GALNTL6: variants seen among roughly 807,000 people sequenced by gnomAD.
GALNTL6 encodes polypeptide N-acetylgalactosaminyltransferase-like 6.
In GALNTL6, 46 loss-of-function variants were observed where a neutral mutation model predicts 73.7. That is an observed-to-expected ratio of 0.62 (90% confidence interval 0.49 to 0.80). The LOEUF (loss-of-function observed/expected upper bound fraction) is 0.80. GALNTL6 is among the 30% of genes least tolerant of loss of function. GALNTL6 has a pLI of 0.00. For missense variants in GALNTL6, 604 were observed against 755.0 expected (o/e 0.80, Z 2.34); for synonymous variants, 259 against 263.7 (o/e 0.98, Z 0.17).
intron 7 of GALNTL6, among the ~76,000 whole-genome samples, chr4:172,848,084 G>C (rs1365516029): frequency 6.6e-6 from 1 of 152,138 alleles, no homozygotes; most frequent in South Asian, 2.1e-4. Context: ...TTTTGAACTA[G>C]ATTTCTTTGG....
intron 8 of GALNTL6, among the ~76,000 whole-genome samples, chr4:172,908,895 AT>A (rs1228872590): frequency 1.3e-5 from 2 of 151,898 alleles, no homozygotes; most frequent in African/African-American, 2.4e-5. Context: ...AATGGTAATA[AT>A]TTTTTTAGCT....
At position 172,371,786 on chromosome 4, in the gene GALNTL6, G is replaced by T. The variant is rs545628559; in HGVS notation, c.553+23097G>T. On this transcript the variant is annotated intron_variant, in intron 5 of 12. Coordinates refer to ENST00000506823, the MANE Select transcript of GALNTL6 (RefSeq NM_001034845.3). ...TGGTCTTTCCCTGCCTCTGCCAGCT[G>T]CTTATGCTGCTGTTCTCCCCTCTCC... Among the ~76,000 whole-genome samples the T allele has an allele frequency of 3.9e-5, 6 of 152,068 alleles. No homozygotes were observed. The South Asian group carries it at 1.0e-3, about 26-fold the overall frequency.
intron 2 of GALNTL6, among the ~76,000 whole-genome samples, chr4:172,181,513 A>G (rs1239406234): frequency 6.6e-6 from 1 of 152,158 alleles, no homozygotes; most frequent in Non-Finnish European, 1.5e-5. Context: ...CAAAAGCTGG[A>G]AGCATTCCCT....
At chr4:172,227,927 A>T (rs1736923683) in intron 2 of GALNTL6, among the ~76,000 whole-genome samples, 1 of 152,164 alleles carries the variant, frequency 6.6e-6, no homozygotes, top group Non-Finnish European at 1.5e-5. Context: ...ATTTATTTTA[A>T]AATTATCTAT....
chr4:172,037,391 T>C (rs1298054351), intron 2 of GALNTL6, among the ~76,000 whole-genome samples: 1 of 152,190 alleles, frequency 6.6e-6, no homozygotes, highest in Admixed American at 6.5e-5. Flanking sequence ...TAGCATCTAT[T>C]TGATCTTTCT....
At chr4:171,967,176 A>G (rs1739409780) in intron 2 of GALNTL6, among the ~76,000 whole-genome samples, 1 of 152,180 alleles carries the variant, frequency 6.6e-6, no homozygotes. Context: ...CGTATTGTAA[A>G]ATGTGTTTTC....
intron 3 of GALNTL6, 126 bp downstream of exon 3, chr4:172,229,890 G>A: frequency 1.6e-6 from 1 of 622,332 alleles, no homozygotes; most frequent in Non-Finnish European, 2.8e-6. Flanking sequence ...GATATTGGAG[G>A]TGATACTGGA....
intron 4 of GALNTL6, among the ~76,000 whole-genome samples, chr4:172,318,950 T>C (rs1286350046): frequency 6.6e-6 from 1 of 152,128 alleles, no homozygotes; most frequent in Non-Finnish European, 1.5e-5. Flanking sequence ...AGCAATAGAT[T>C]CATAATTTTG....
intron 2 of GALNTL6, among the ~76,000 whole-genome samples, chr4:171,987,286 G>A (rs1354942489): frequency 1.3e-5 from 2 of 152,176 alleles, no homozygotes; most frequent in Admixed American, 6.5e-5. Flanking sequence ...AGGACCGTAA[G>A]GGATATAAAG....
chr4:172,427,040 T>G (rs1205411198), intron 5 of GALNTL6, among the ~76,000 whole-genome samples: 1 of 152,156 alleles, frequency 6.6e-6, no homozygotes, highest in African/African-American at 2.4e-5. Context: ...AATTATAAAT[T>G]ATATCTCATT....
chr4:172,385,845 G>GT (rs1743446473), intron 5 of GALNTL6, among the ~76,000 whole-genome samples: 1 of 151,296 alleles, frequency 6.6e-6, no homozygotes, highest in Non-Finnish European at 1.5e-5. Flanking sequence ...TTCCATTACT[G>GT]TTTTTTCTTC....
Position 172,356,119 on chromosome 4 carries a change from T to TA in GALNTL6, c.553+7431dup, listed in dbSNP as rs538011283. On this transcript the variant is annotated intron_variant, in intron 5 of 12. Transcript: ENST00000506823. ...ACACTGCTTTTAGAAGCAAAACTGT[T>TA]ACAGCTCACCAACGTCACAAAGGCA... 1.9e-3 allele frequency among the ~76,000 whole-genome samples: 288 copies of TA among 152,302 alleles called. 1 individual carries two copies. Among genetic ancestry groups the TA allele is most frequent in the African/African-American group, 6.7e-3 (278 of 41,574 alleles).
intron 5 of GALNTL6, among the ~76,000 whole-genome samples, chr4:172,562,058 AGGGTG>A (rs886974001): frequency 3.3e-4 from 50 of 152,320 alleles, no homozygotes; most frequent in African/African-American, 1.1e-3. Flanking sequence ...TTTTATTCAT[AGGGTG>A]GGTATGATGA....
intron 3 of GALNTL6, among the ~76,000 whole-genome samples, chr4:172,305,024 G>T (rs1578934410): frequency 6.6e-6 from 1 of 151,944 alleles, no homozygotes; most frequent in Non-Finnish European, 1.5e-5. Flanking sequence ...ACAATTGCTG[G>T]TTTATAAGTT....
chr4:171,850,688 G>A (rs545897809), intron 2 of GALNTL6, among the ~76,000 whole-genome samples: 4 of 152,232 alleles, frequency 2.6e-5, no homozygotes, highest in African/African-American at 9.6e-5. Flanking sequence ...CTGTTTTAAT[G>A]TAAATGCTGG....
intron 2 of GALNTL6, among the ~76,000 whole-genome samples, chr4:171,836,845 G>C (rs1579496743): frequency 6.6e-6 from 1 of 152,202 alleles, no homozygotes; most frequent in African/African-American, 2.4e-5. Flanking sequence ...AGGAAGCTAA[G>C]TTTCTCTTCA....
intron 7 of GALNTL6, among the ~76,000 whole-genome samples, chr4:172,861,318 C>CTTGT (rs772337885): frequency 7.1e-6 from 1 of 140,774 alleles, no homozygotes; most frequent in Non-Finnish European, 1.5e-5. Context: ...TTTTTGCTTA[C>CTTGT]ATGTGTGTGT....
intron 2 of GALNTL6, among the ~76,000 whole-genome samples, chr4:171,861,591 A>G (rs1250575681): frequency 2.6e-5 from 4 of 152,042 alleles, no homozygotes; most frequent in Admixed American, 2.6e-4. Context: ...TTTAAGACCC[A>G]GGAAAACTTA....
intron 2 of GALNTL6, among the ~76,000 whole-genome samples, chr4:171,913,417 A>G (rs1424693370): frequency 6.6e-6 from 1 of 152,202 alleles, no homozygotes; most frequent in African/African-American, 2.4e-5. Flanking sequence ...GCAAAACTGT[A>G]TGAATATTAT....
Sources: allele counts gnomAD v4.1 joint callset (sites outside exome capture counted in the v4.1 genomes callset), GRCh38; gene constraint gnomAD v4.1.1; transcripts MANE v1.5; gene names NCBI Gene and HGNC (gene_info 2026-07-23, HGNC 2026-07-21).